The following ZCCHC2 variants were observed in gnomAD, a reference collection of about 807,000 sequenced individuals.
ZCCHC2 encodes the protein zinc finger CCHC domain-containing protein 2.
Under a neutral mutation model 103.6 loss-of-function variants are expected in ZCCHC2, and 39 were observed. The observed-to-expected ratio is 0.38, with a 90% CI of 0.29 to 0.49. The LOEUF is 0.49. ZCCHC2 is among the 20% of genes least tolerant of loss of function. The pLI is 0.96. For missense variants in ZCCHC2, 1,483 were observed against 1,491.0 expected, an observed-to-expected ratio of 0.99 and a Z score of 0.09; for synonymous variants, 687 against 608.9, an observed-to-expected ratio of 1.13 and a Z score of -1.89.
chr18:62,565,213 G>A, intron 11 of ZCCHC2, 117 bp downstream of exon 11: 3 of 739,214 alleles, frequency 4.1e-6, no homozygotes, highest in South Asian at 2.2e-5. Context: ...AGTTTACCTT[G>A]TGTTGATATG....
rs982323038 is a variant in ZCCHC2, at chr18:62,575,453, G to T, written c.3372G>T (p.Gly1124=). 4.3e-6 allele frequency: 7 copies of T among 1,613,890 alleles called. No homozygotes were observed. The highest frequency in any genetic ancestry group is 5.9e-6 in the Non-Finnish European group (7 of 1,179,904). Residue 1124 remains glycine (G), a synonymous_variant, in exon 13 of 14, where the codon GGG becomes GGT. Transcript: ENST00000269499. The stretch of plus-strand genomic sequence containing the variant: ...TAGTTGCCAACACCAGTGGTTCGGG[G>T]CCCAAGAAGAATGGGAATGTCTCAT... ...PNVVANTSGS[G]PKKNGNVSCY...
intron 4 of ZCCHC2, among the ~76,000 whole-genome samples, chr18:62,546,423 A>G (rs1390680423): frequency 2.0e-5 from 3 of 152,194 alleles, no homozygotes; most frequent in Admixed American, 6.5e-5. Flanking sequence ...TTTTCTCTCA[A>G]TAGAAGAAAT....
intron 5 of ZCCHC2, among the ~76,000 whole-genome samples, chr18:62,553,156 ATGTGTGTGTGTGTGTGTGTG>A (rs142422088): frequency 1.0e-3 from 140 of 139,854 alleles, no homozygotes; most frequent in Middle Eastern, 3.7e-3. Context: ...CCTTAGATTT[ATGTGTGTGTGTGTGTGTGTG>A]TGTGTGTGTG....
downstream of ZCCHC2, among the ~76,000 whole-genome samples, chr18:62,579,606 A>G (rs1916987521): frequency 6.6e-6 from 1 of 152,354 alleles, no homozygotes; most frequent in African/African-American, 2.4e-5. Context: ...ACCTATAGGT[A>G]ACGTGTAAAT....
chr18:62,585,899 C>G (rs940859137), exon 15 of ZCCHC2: 3 of 152,216 alleles, frequency 2.0e-5, no homozygotes, highest in African/African-American at 7.2e-5. Flanking sequence ...GCTAAGAAGT[C>G]GATATCCAAG....
chr18:62,548,988 G>A (rs1915539238), intron 4 of ZCCHC2, among the ~76,000 whole-genome samples: 1 of 152,086 alleles, frequency 6.6e-6, no homozygotes, highest in Non-Finnish European at 1.5e-5. Flanking sequence ...GGGGGGTCAG[G>A]GCGGGTGGAT....
intron 7 of ZCCHC2, chr18:62,560,327 A>G (rs1916062984): frequency 6.1e-6 from 2 of 330,386 alleles, no homozygotes; most frequent in East Asian, 9.3e-5. Context: ...TTTTGTAGGG[A>G]CATGCTCATA....
intron 1 of ZCCHC2, among the ~76,000 whole-genome samples, chr18:62,530,901 G>T (rs892452492): frequency 1.3e-5 from 2 of 152,306 alleles, no homozygotes; most frequent in Middle Eastern, 3.4e-3. Context: ...ACTTAAATCT[G>T]TTTTGCACTT....
intron 4 of ZCCHC2, among the ~76,000 whole-genome samples, chr18:62,545,295 G>A (rs1324374840): frequency 1.3e-5 from 2 of 152,096 alleles, no homozygotes; most frequent in Non-Finnish European, 2.9e-5. Context: ...CTTGCAAAGG[G>A]ACTTCTTAGT....
At chr18:62,575,591 C>T in intron 13 of ZCCHC2, 41 bp downstream of exon 13, 1 of 1,574,698 alleles carries the variant, frequency 6.4e-7, no homozygotes, top group Non-Finnish European at 8.7e-7. Context: ...TTTGAGTTCA[C>T]TCATTTCTCC....
intron 11 of ZCCHC2, among the ~76,000 whole-genome samples, chr18:62,566,725 T>G (rs186287060): frequency 6.6e-6 from 1 of 152,344 alleles, no homozygotes; most frequent in Admixed American, 6.5e-5. Context: ...TTGAGTGTTG[T>G]GCTCCCCCAG....
At chr18:62,542,126 T>C (rs1598938235) in intron 2 of ZCCHC2, among the ~76,000 whole-genome samples, 1 of 152,222 alleles carries the variant, frequency 6.6e-6, no homozygotes, top group Non-Finnish European at 1.5e-5. Flanking sequence ...TTAGTTGATA[T>C]TAAAATGCCG....
At chr18:62,572,302 A>G (rs6567289) in intron 12 of ZCCHC2, among the ~76,000 whole-genome samples, 151,017 of 152,328 alleles carry the variant, frequency 0.99, 74,865 homozygotes, top group Middle Eastern at 1. Flanking sequence ...TCTCTAGGAT[A>G]AGCAGGTGAC....
chr18:62,556,723 G>A (rs967457204), intron 6 of ZCCHC2, among the ~76,000 whole-genome samples: 7 of 152,000 alleles, frequency 4.6e-5, no homozygotes, highest in Non-Finnish European at 8.8e-5. Context: ...TTTTCATCAC[G>A]GAAAGGACAA....
At chr18:62,536,241 G>A (rs1276530891) in intron 1 of ZCCHC2, among the ~76,000 whole-genome samples, 2 of 152,308 alleles carry the variant, frequency 1.3e-5, no homozygotes, top group Admixed American at 1.3e-4. Context: ...TAGCTCTTGA[G>A]GCAAGCGATA....
chr18:62,576,611 A>C lies in ZCCHC2; in HGVS notation c.*32A>C, dbSNP rs758784087. On this transcript the variant is annotated 3_prime_UTR_variant, in exon 14 of 14. Transcript: ENST00000269499. ...TAAAGCTTGCCTACTTAATACACTC[A>C]AGTGTGGGGAGTCATGGGGTGTGGA... 3.1e-6 allele frequency: 5 copies of C among 1,595,280 alleles called. No individual in the cohort carries two copies. The highest frequency in any genetic ancestry group is 4.3e-6 in the Non-Finnish European group (5 of 1,163,940).
At chr18:62,546,460 G>T (rs1356334956) in intron 4 of ZCCHC2, among the ~76,000 whole-genome samples, 1 of 152,140 alleles carries the variant, frequency 6.6e-6, no homozygotes, top group African/African-American at 2.4e-5. Context: ...AAGTGATCAC[G>T]AACAGGCTTC....
rs377112503 is a variant in ZCCHC2, at chr18:62,574,290, G to A, written c.2209G>A (p.Val737Ile). 56 of 1,613,910 alleles carry A rather than the reference G, an allele frequency of 3.5e-5. No homozygotes were observed. The highest frequency in any genetic ancestry group is 2.8e-4 in the African/African-American group (21 of 74,930). ...TGGTGCCCAGAAGTCTGAAGTTGTC[G>A]TTCCTGCACCCAAACCCGCTGATGG... is the stretch of plus-strand genomic sequence containing the variant. ...HNGAQKSEVV[V>I]PAPKPADGKT... The change falls in exon 13 of 14, where the codon GTT becomes ATT. Residue 737 changes from valine (V) to isoleucine (I), a missense_variant. Physicochemically the swap from Val to Ile is conservative, Grantham distance 29 (BLOSUM62 3). Transcript: ENST00000269499.
rs775275680 is a variant in ZCCHC2 at position 62,576,554 on chromosome 18, A to T, written c.3512A>T (p.Asn1171Ile). The change falls in exon 14 of 14, where the codon AAT becomes ATT. Residue 1171 changes from asparagine to isoleucine, a missense_variant. Physicochemically the swap from Asn to Ile is moderately radical, Grantham distance 149. Around this residue, in one of 3 missense-constraint regions of ZCCHC2, gnomAD observed 884 missense variants for 907.5 expected, o/e 0.97. Coordinates refer to ENST00000269499, the MANE Select transcript of ZCCHC2 (RefSeq NM_017742.6). ...TACGCACCTCCCCTCCCCCCTTCTA[A>T]TGATACGTTGGATTCTGCAGACTGA... ...LRYAPPLPPS[N>I]DTLDSAD 16 of 1,613,588 alleles carry T rather than the reference A, an allele frequency of 9.9e-6. No individual in the cohort carries two copies. In the African/African-American group the frequency reaches 2.1e-4, roughly 22 times the overall value.
Sources: gnomAD v4.1 joint callset for allele counts (sites outside exome capture counted in the v4.1 genomes callset) on GRCh38, gnomAD v4.1.1 for gene constraint, gnomAD v4.1.1 regional missense constraint, MANE v1.5 for transcripts, NCBI Gene and HGNC (gene_info 2026-07-23, HGNC 2026-07-21) for gene names.